Variants in LONRF2 observed in about 807,000 individuals in gnomAD.
The protein encoded by LONRF2 is LON peptidase N-terminal domain and RING finger protein 2.
LONRF2 carries 35 observed loss-of-function variants against 66.6 expected under a neutral mutation model. The ratio of observed to expected loss-of-function variants is 0.53; its 90% CI spans 0.40 to 0.70. The LOEUF (loss-of-function observed/expected upper bound fraction) is 0.70. LONRF2 is among the 30% of genes least tolerant of loss of function. The pLI is 0.00. For synonymous variants in LONRF2, 417 were observed against 418.1 expected (o/e 1.00, Z 0.03); for missense variants, 902 against 1,002.1 (o/e 0.90, Z 1.35).
chr2:100,286,122 A>G (rs1427793723), intron 11 of LONRF2, among the ~76,000 whole-genome samples: 1 of 152,216 alleles, frequency 6.6e-6, no homozygotes, highest in East Asian at 1.9e-4. Context: ...GTTTGGAAAA[A>G]AAAAGAATTC....
chr2:100,321,679 C>G lies in LONRF2; in HGVS notation c.415G>C (p.Asp139His). 1.6e-6 allele frequency: 2 copies of G among 1,246,704 alleles called. No homozygotes were observed. Among genetic ancestry groups the G allele is most frequent in the South Asian group, 3.2e-5 (1 of 31,632 alleles). 77.2% of individuals were successfully genotyped at this position (1,246,704 alleles called of 1,614,324 possible). A position where few individuals can be genotyped will look rare whatever the true frequency, so the allele number is the denominator to read the frequency against. The change falls in exon 1 of 12, where the codon GAC becomes CAC. Residue 139 changes from aspartate to histidine, a missense_variant. This residue lies in a region of LONRF2 where 585 missense variants were observed against 569.9 expected (regional missense o/e 1.03). Transcript: ENST00000393437. ...CGGCAGCGCGGGCAGCCGAGCAGGT[C>G]GCGGGGCGCGCGGGGCTCCGGGGCC... ...GPAPEPRAPRDLLGCPRCRRL... is the reference protein window; with the variant it reads ...GPAPEPRAPRHLLGCPRCRRL...
intron 3 of LONRF2, among the ~76,000 whole-genome samples, chr2:100,301,042 A>G (rs77834376): frequency 0.023 from 3,515 of 152,164 alleles, 122 homozygotes; most frequent in African/African-American, 0.079. Flanking sequence ...ACTTCCTTCT[A>G]CCTGGTCCTT....
chr2:100,322,061 C>T lies in LONRF2; in HGVS notation c.33G>A (p.Pro11=). The change falls in exon 1 of 12, where the codon CCG becomes CCA. Residue 11 remains proline, a synonymous_variant. Transcript: ENST00000393437. The part of the protein sequence containing the change: MSPEPVPPPP[P]PQCPGCDRAE... ...CGCGGTCGCAGCCAGGACACTGGGG[C>T]GGCGGCGGCGGCGGGACCGGCTCGG... The T allele has an allele frequency of 2.4e-6, 3 of 1,247,464 alleles. No individual in the cohort carries two copies. Among genetic ancestry groups the T allele is most frequent in the Non-Finnish European group, 2.0e-6 (2 of 988,238 alleles). The allele number at this position is 1,247,464 out of a possible 1,614,324, so 77.3% of individuals were successfully genotyped here.
chr2:100,315,260 C>G (rs1675482122), intron 1 of LONRF2, among the ~76,000 whole-genome samples: 1 of 151,948 alleles, frequency 6.6e-6, no homozygotes, highest in African/African-American at 2.4e-5. Context: ...TTTGTTTTTT[C>G]TAAGTATATA....
chr2:100,290,965 A>G (rs1389460119), intron 9 of LONRF2, among the ~76,000 whole-genome samples: 1 of 152,232 alleles, frequency 6.6e-6, no homozygotes, highest in Non-Finnish European at 1.5e-5. Context: ...ACAAAGTGAA[A>G]AAACAAGCTA....
chr2:100,299,993 T>C (rs1214485295), intron 4 of LONRF2, 75 bp from the exon 5 acceptor site: 8 of 643,644 alleles, frequency 1.2e-5, no homozygotes, highest in Non-Finnish European at 1.9e-5. Context: ...TGCAGAAGCC[T>C]GTACTAGAAA....
intron 1 of LONRF2, among the ~76,000 whole-genome samples, chr2:100,311,011 A>G (rs780526037): frequency 7.2e-5 from 11 of 152,226 alleles, no homozygotes; most frequent in Non-Finnish European, 1.5e-4. Flanking sequence ...TCATCTGTTA[A>G]TTATGATCTA....
At position 100,274,709 on chromosome 2, in the gene LONRF2, C is replaced by T. The variant is rs1457638202; in HGVS notation, c.*9589G>A. 2 of 152,488 alleles carry T rather than the reference C, an allele frequency of 1.3e-5. No individual in the cohort carries two copies. Among genetic ancestry groups the T allele is most frequent in the African/African-American group, 4.8e-5 (2 of 41,442 alleles). The allele number at this position is 152,488 out of a possible 1,614,324, so 9.4% of individuals were successfully genotyped here. On this transcript the variant is annotated 3_prime_UTR_variant, in exon 12 of 12. Transcript: ENST00000393437. ...TGGAGACCACCCCTGTAGCTACTGC[C>T]CAAGACATTCAAACCTGCCAATCCT...
chr2:100,307,080 C>T (rs978646035), intron 2 of LONRF2, among the ~76,000 whole-genome samples: 1 of 151,956 alleles, frequency 6.6e-6, no homozygotes, highest in Admixed American at 6.6e-5. Context: ...GCCACCATGC[C>T]CAGCTAATTT....
Position 100,281,516 on chromosome 2 carries a change from G to A in LONRF2, c.*2782C>T, listed in dbSNP as rs1230041724. ...AGGACACACACGGGGGATGGGATAA[G>A]CTAAAAATGCCACGGGCTTTCAGAA... On this transcript the variant is annotated 3_prime_UTR_variant, in exon 12 of 12. Transcript: ENST00000393437. The A allele has an allele frequency of 1.3e-5, 2 of 152,138 alleles. No individual in the cohort carries two copies. The highest frequency in any genetic ancestry group is 1.3e-4 in the Admixed American group (2 of 15,266). The allele number at this position is 152,138 out of a possible 1,614,324, so 9.4% of individuals were successfully genotyped here. A position where few individuals can be genotyped will look rare whatever the true frequency, so the allele number is the denominator to read the frequency against.
At position 100,301,697 on chromosome 2, in the gene LONRF2, C is replaced by T. The variant is rs114985111; in HGVS notation, c.922-910G>A. 2.1e-3 allele frequency among the ~76,000 whole-genome samples: 321 copies of T among 152,354 alleles called. 1 individual carries two copies. Among genetic ancestry groups the T allele is most frequent in the Admixed American group, 4.0e-3 (61 of 15,306 alleles). On this transcript the variant is annotated intron_variant, in intron 3 of 11. Coordinates refer to ENST00000393437, the MANE Select transcript of LONRF2 (RefSeq NM_198461.4). ...GAAAACACCATGTCTGAAAACGCTC[C>T]AGGTAGACAACAACCCAGAAGACCT...
chr2:100,288,436 T>A (rs554923112), intron 10 of LONRF2, among the ~76,000 whole-genome samples: 1 of 152,360 alleles, frequency 6.6e-6, no homozygotes, highest in South Asian at 2.1e-4. Context: ...AAAAGAGGGA[T>A]ACAATAATTC....
At chr2:100,320,614 T>G (rs1675600734) in intron 1 of LONRF2, among the ~76,000 whole-genome samples, 1 of 152,232 alleles carries the variant, frequency 6.6e-6, no homozygotes, top group Non-Finnish European at 1.5e-5. Flanking sequence ...TTAAATCGTA[T>G]ATGCCCTATT....
chr2:100,322,397 C>T lies in LONRF2; in HGVS notation c.-304G>A, dbSNP rs1559185446. On this transcript the variant is annotated 5_prime_UTR_variant, in exon 1 of 12. Transcript: ENST00000393437. ...CCCACGCGCAGCGGCCTCTCAGTCC[C>T]GCCGGCTTAGGTAACCCAGGTCGCT... is the stretch of plus-strand genomic sequence containing the variant. The T allele has an allele frequency of 4.0e-6, 1 of 249,084 alleles. No individual in the cohort carries two copies. The highest frequency in any genetic ancestry group is 7.8e-5 in the East Asian group (1 of 12,822). 15.4% of individuals were successfully genotyped at this position (249,084 alleles called of 1,614,324 possible).
intron 3 of LONRF2, among the ~76,000 whole-genome samples, chr2:100,301,512 C>T (rs1675184806): frequency 6.6e-6 from 1 of 152,242 alleles, no homozygotes; most frequent in South Asian, 2.1e-4. Flanking sequence ...CAGCAATGCG[C>T]ACCACCACCC....
Position 100,272,396 on chromosome 2 carries a change from G to A in LONRF2, c.*11902C>T, listed in dbSNP as rs1245352720. Among the ~76,000 whole-genome samples, 2 of 152,124 alleles carry A rather than the reference G, an allele frequency of 1.3e-5. No individual in the cohort carries two copies. Among genetic ancestry groups the A allele is most frequent in the Non-Finnish European group, 2.9e-5 (2 of 68,028 alleles). ...CACCTGTGGTCCCAGCTACTCAGAA[G>A]GTTGAGGCAGGACAATCCTTTGAAC... On this transcript the variant is annotated 3_prime_UTR_variant, in exon 12 of 12. Transcript: ENST00000393437.
intron 9 of LONRF2, 23 bp from the exon 10 acceptor site, chr2:100,290,443 T>C (rs1674936112): frequency 6.3e-7 from 1 of 1,585,134 alleles, no homozygotes; most frequent in South Asian, 1.2e-5. Context: ...TTAGGAGAAA[T>C]GACTGTGATT....
At position 100,322,376 on chromosome 2, in the gene LONRF2, C is replaced by A; in HGVS notation, c.-283G>T. On this transcript the variant is annotated 5_prime_UTR_variant, in exon 1 of 12. Coordinates refer to ENST00000393437, the MANE Select transcript of LONRF2 (RefSeq NM_198461.4). ...CGGGCGCAATCTGAGCCCCTGCCCA[C>A]GCGCAGCGGCCTCTCAGTCCCGCCG... 3.6e-6 allele frequency: 1 copy of A among 274,596 alleles called. No individual in the cohort carries two copies. The allele number at this position is 274,596 out of a possible 1,614,324, so 17.0% of individuals were successfully genotyped here.
At chr2:100,302,157 A>G (rs535479142) in intron 3 of LONRF2, among the ~76,000 whole-genome samples, 35 of 152,380 alleles carry the variant, frequency 2.3e-4, no homozygotes, top group African/African-American at 7.9e-4. Context: ...GGTACATTAG[A>G]ACACATCCAG....
Sources: allele counts gnomAD v4.1 joint callset (sites outside exome capture counted in the v4.1 genomes callset), GRCh38; gene constraint gnomAD v4.1.1; regional missense constraint gnomAD v4.1.1; transcripts MANE v1.5; gene names NCBI Gene and HGNC (gene_info 2026-07-23, HGNC 2026-07-21).